The following BICC1 variants were observed in gnomAD, a reference collection of about 807,000 sequenced individuals.
BICC1 encodes protein bicaudal C homolog 1.
Under a neutral mutation model 111.0 loss-of-function variants are expected in BICC1, and 43 were observed. That is an observed-to-expected ratio of 0.39 (90% CI 0.30 to 0.50). BICC1 has a LOEUF of 0.50. Ranked by LOEUF, BICC1 falls within the 20% of genes least tolerant of loss-of-function variation. The pLI is 0.88. For missense variants in BICC1, 1,091 were observed against 1,203.2 expected, an observed-to-expected ratio of 0.91 and a Z score of 1.38; for synonymous variants, 467 against 434.4, an observed-to-expected ratio of 1.07 and a Z score of -0.93.
chr10:58,520,135 G>T (rs1157440824), intron 1 of BICC1, among the ~76,000 whole-genome samples: 2 of 152,120 alleles, frequency 1.3e-5, no homozygotes. Flanking sequence ...CCAAAATAGT[G>T]AGCTAATAAA....
intron 1 of BICC1, among the ~76,000 whole-genome samples, chr10:58,524,426 C>T (rs913771602): frequency 6.6e-6 from 1 of 151,880 alleles, no homozygotes; most frequent in African/African-American, 2.4e-5. Context: ...CTTTGACAAA[C>T]CTGAGAAAAA....
intron 1 of BICC1, among the ~76,000 whole-genome samples, chr10:58,556,765 A>G (rs1321811426): frequency 6.6e-6 from 1 of 152,096 alleles, no homozygotes; most frequent in African/African-American, 2.4e-5. Context: ...CTAGGCATCA[A>G]AGTCCGAAAG....
intron 17 of BICC1, among the ~76,000 whole-genome samples, chr10:58,812,906 A>G (rs1428257052): frequency 6.6e-6 from 1 of 152,214 alleles, no homozygotes; most frequent in Non-Finnish European, 1.5e-5. Flanking sequence ...AAGAGATCCT[A>G]GGACCAGGTA....
chr10:58,709,724 T>A (rs1450341809), intron 3 of BICC1, among the ~76,000 whole-genome samples: 1 of 152,240 alleles, frequency 6.6e-6, no homozygotes, highest in African/African-American at 2.4e-5. Context: ...ACTACTGATA[T>A]CTTCCCTATA....
chr10:58,748,214 A>G (rs1841888535), intron 3 of BICC1, among the ~76,000 whole-genome samples: 1 of 152,108 alleles, frequency 6.6e-6, no homozygotes, highest in African/African-American at 2.4e-5. Context: ...AGTGTCCTAT[A>G]TGCCAGGCAG....
At chr10:58,516,332 C>G (rs1014784461) in intron 1 of BICC1, among the ~76,000 whole-genome samples, 2 of 152,080 alleles carry the variant, frequency 1.3e-5, no homozygotes, top group South Asian at 4.1e-4. Flanking sequence ...ATAAATTCTT[C>G]TACGCAATGG....
intron 1 of BICC1, among the ~76,000 whole-genome samples, chr10:58,516,110 G>A (rs1013737610): frequency 6.6e-6 from 1 of 152,076 alleles, no homozygotes; most frequent in South Asian, 2.1e-4. Context: ...CTGTATTTGA[G>A]TTTTCAATTA....
intron 2 of BICC1, among the ~76,000 whole-genome samples, chr10:58,673,701 A>C (rs1839250240): frequency 6.6e-6 from 1 of 151,972 alleles, no homozygotes; most frequent in South Asian, 2.1e-4. Context: ...AGCTCACTGC[A>C]ACCTCCACCC....
At chr10:58,750,532 G>A (rs1423903035) in intron 3 of BICC1, among the ~76,000 whole-genome samples, 1 of 152,070 alleles carries the variant, frequency 6.6e-6, no homozygotes, top group African/African-American at 2.4e-5. Context: ...CCCAGTTTGT[G>A]CTTGCATATA....
intron 2 of BICC1, among the ~76,000 whole-genome samples, chr10:58,663,660 A>G (rs915004740): frequency 2.0e-5 from 3 of 152,110 alleles, no homozygotes; most frequent in African/African-American, 4.8e-5. Flanking sequence ...GATCTAGGTT[A>G]TGCACTCCTT....
intron 3 of BICC1, among the ~76,000 whole-genome samples, chr10:58,778,971 A>G (rs1842817166): frequency 1.3e-5 from 2 of 152,212 alleles, no homozygotes; most frequent in Non-Finnish European, 2.9e-5. Flanking sequence ...TGCTCTTTCA[A>G]AATCATTTCT....
chr10:58,674,471 A>G (rs1369746781), intron 2 of BICC1, among the ~76,000 whole-genome samples: 1 of 152,282 alleles, frequency 6.6e-6, no homozygotes, highest in East Asian at 1.9e-4. Context: ...TGGAACATAT[A>G]TTTATGTTAA....
At chr10:58,822,898 T>A (rs1320594015) in intron 20 of BICC1, among the ~76,000 whole-genome samples, 1 of 152,174 alleles carries the variant, frequency 6.6e-6, no homozygotes, top group Non-Finnish European at 1.5e-5. Context: ...AAAATTCCTT[T>A]TTAAATTTTG....
chr10:58,619,624 A>G (rs2132133165), intron 1 of BICC1, among the ~76,000 whole-genome samples: 1 of 152,076 alleles, frequency 6.6e-6, no homozygotes, highest in African/African-American at 2.4e-5. Flanking sequence ...ACAGGCGCAC[A>G]CCACCACACC....
At chr10:58,753,762 C>G (rs914553922) in intron 3 of BICC1, among the ~76,000 whole-genome samples, 2 of 151,890 alleles carry the variant, frequency 1.3e-5, no homozygotes, top group African/African-American at 4.8e-5. Context: ...TCTGGAATTT[C>G]TATTCTTTTC....
At chr10:58,762,369 T>A (rs558806256) in intron 3 of BICC1, among the ~76,000 whole-genome samples, 1 of 151,888 alleles carries the variant, frequency 6.6e-6, no homozygotes, top group African/African-American at 2.4e-5. Context: ...TATTGGAGAG[T>A]GTAGGTGTCA....
At chr10:58,804,032 A>C (rs1260098952) in intron 15 of BICC1, among the ~76,000 whole-genome samples, 1 of 152,216 alleles carries the variant, frequency 6.6e-6, no homozygotes, top group Non-Finnish European at 1.5e-5. Context: ...GAAACAGAAA[A>C]GCTGTCATAG....
At chr10:58,786,799 A>G (rs982587371) in intron 4 of BICC1, 124 bp from the exon 5 acceptor site, 2 of 532,340 alleles carry the variant, frequency 3.8e-6, no homozygotes, top group African/African-American at 2.0e-5. Context: ...AGATGATCTT[A>G]TTAAGAAATA....
At chr10:58,678,398 T>G (rs1839412671) in intron 2 of BICC1, among the ~76,000 whole-genome samples, 1 of 152,196 alleles carries the variant, frequency 6.6e-6, no homozygotes, top group South Asian at 2.1e-4. Flanking sequence ...GTTGCAATTC[T>G]AGTCTCTGAT....
Sources: allele counts gnomAD v4.1 joint callset (sites outside exome capture counted in the v4.1 genomes callset), GRCh38; gene constraint gnomAD v4.1.1; transcripts MANE v1.5; gene names NCBI Gene and HGNC (gene_info 2026-07-23, HGNC 2026-07-21).